Variants in TOGARAM2 observed in about 807,000 individuals in gnomAD.
TOGARAM2 encodes TOG array regulator of axonemal microtubules 2.
In TOGARAM2, 85 loss-of-function variants were observed where a neutral mutation model predicts 93.3. The ratio of observed to expected loss-of-function variants is 0.91; its 90% CI spans 0.76 to 1.09. TOGARAM2 has a LOEUF of 1.09. Ranked by LOEUF, TOGARAM2 falls within the 50% of genes least tolerant of loss-of-function variation. The probability of loss-of-function intolerance (pLI) is 0.00; values close to 1 mark genes in which losing one functional copy is unlikely to be tolerated. For synonymous variants in TOGARAM2, 593 were observed against 552.8 expected (o/e 1.07, Z -1.02); for missense variants, 1,277 against 1,334.5 (o/e 0.96, Z 0.67).
intron 1 of TOGARAM2, among the ~76,000 whole-genome samples, chr2:28,965,355 A>G (rs564951843): frequency 6.6e-6 from 1 of 151,680 alleles, no homozygotes; most frequent in South Asian, 2.1e-4. Flanking sequence ...CCTTCTTCTC[A>G]TGACTTTTGG....
intron 18 of TOGARAM2, 70 bp from the exon 19 acceptor site, chr2:29,045,254 C>T: frequency 1.6e-6 from 2 of 1,261,682 alleles, no homozygotes; most frequent in Non-Finnish European, 2.3e-6. Context: ...GGGTATGTGG[C>T]CCTGCAAACC....
At chr2:29,047,430 C>T (rs1666807974) in intron 19 of TOGARAM2, 1 of 152,200 alleles carries the variant, frequency 6.6e-6, no homozygotes, top group African/African-American at 2.4e-5. Context: ...AAGAGCTTCT[C>T]CATAGGTCTT....
chr2:29,020,022 G>A (rs1314844776), intron 10 of TOGARAM2, among the ~76,000 whole-genome samples: 3 of 152,218 alleles, frequency 2.0e-5, no homozygotes, highest in African/African-American at 4.8e-5. Flanking sequence ...CACTGCGAGA[G>A]CACACCCAAC....
intron 18 of TOGARAM2, among the ~76,000 whole-genome samples, chr2:29,041,567 C>T (rs1666436742): frequency 6.6e-6 from 1 of 152,196 alleles, no homozygotes; most frequent in Admixed American, 6.5e-5. Flanking sequence ...ATCTGGCTTC[C>T]CAGTAGCTGG....
chr2:29,043,641 G>GA (rs1009522847), intron 18 of TOGARAM2, among the ~76,000 whole-genome samples: 2 of 152,262 alleles, frequency 1.3e-5, no homozygotes, highest in Admixed American at 1.3e-4. Flanking sequence ...CCACATCTCT[G>GA]AAAAATGCAT....
rs548081443 is a variant in TOGARAM2 at position 29,042,034 on chromosome 2, T to C, written c.2636-3290T>C. 2.6e-5 allele frequency among the ~76,000 whole-genome samples: 4 copies of C among 152,330 alleles called. No individual in the cohort carries two copies. In the South Asian group the frequency reaches 8.3e-4, roughly 32 times the overall value. On this transcript the variant is annotated intron_variant, in intron 18 of 19. Coordinates refer to ENST00000379558, the MANE Select transcript of TOGARAM2 (RefSeq NM_199280.4). ...TTTTATAGTTGGGTAAACTGAGTCA[T>C]AGAGCAGATAAGTGGCTTGTCCAAT...
intron 1 of TOGARAM2, among the ~76,000 whole-genome samples, chr2:28,991,057 A>G (rs930399209): frequency 3.3e-5 from 5 of 150,548 alleles, no homozygotes; most frequent in African/African-American, 1.2e-4. Flanking sequence ...CCCCAGGGAA[A>G]AAGAAGGAAG....
intron 1 of TOGARAM2, among the ~76,000 whole-genome samples, chr2:28,992,825 C>T (rs746025372): frequency 1.8e-4 from 28 of 152,040 alleles, no homozygotes; most frequent in East Asian, 3.9e-4. Flanking sequence ...TTTGGGAGGC[C>T]GAGGCAGGCA....
chr2:28,995,736 C>T (rs1558410669), intron 2 of TOGARAM2, among the ~76,000 whole-genome samples: 1 of 152,214 alleles, frequency 6.6e-6, no homozygotes, highest in Non-Finnish European at 1.5e-5. Context: ...GAGAAGTTAG[C>T]TTATTTCCTC....
chr2:29,009,907 G>A (rs908616811), intron 6 of TOGARAM2, among the ~76,000 whole-genome samples: 8 of 152,080 alleles, frequency 5.3e-5, no homozygotes, highest in Non-Finnish European at 1.0e-4. Flanking sequence ...GGCCTGTCTT[G>A]GCCTCAGTCC....
At chr2:29,035,724 A>T in intron 17 of TOGARAM2, 68 bp downstream of exon 17, 1 of 1,281,618 alleles carries the variant, frequency 7.8e-7, no homozygotes. Context: ...AAGTTTGAAA[A>T]CTCTGAATGG....
chr2:29,014,434 C>T lies in TOGARAM2; in HGVS notation c.917C>T (p.Ala306Val). ...PLASPIRDRP[A>V]AAKKPALPFS... ...GCCTCACCCATCAGAGACAGGCCTG[C>T]CGCTGCCAAGAAGCCTGCCCTGCCT... is the stretch of plus-strand genomic sequence containing the variant. The change falls in exon 8 of 20, where the codon GCC becomes GTC. Residue 306 changes from alanine to valine, a missense_variant. Transcript: ENST00000379558. 1 of 1,609,784 alleles carries T rather than the reference C, an allele frequency of 6.2e-7. No homozygotes were observed. Among genetic ancestry groups the T allele is most frequent in the Non-Finnish European group, 8.5e-7 (1 of 1,178,302 alleles).
At chr2:29,000,473 G>T (rs1449179957) in intron 4 of TOGARAM2, among the ~76,000 whole-genome samples, 1 of 152,156 alleles carries the variant, frequency 6.6e-6, no homozygotes, top group Non-Finnish European at 1.5e-5. Flanking sequence ...CTTGTACACA[G>T]AATTCTCAAC....
chr2:29,023,447 C>T (rs1286650405), intron 12 of TOGARAM2, among the ~76,000 whole-genome samples: 1 of 152,200 alleles, frequency 6.6e-6, no homozygotes, highest in Non-Finnish European at 1.5e-5. Flanking sequence ...CCTGCATGGT[C>T]CTCTGTACTC....
chr2:28,981,074 CAAGCCAGCT>C (rs1271245719), upstream of TOGARAM2, among the ~76,000 whole-genome samples: 1 of 152,210 alleles, frequency 6.6e-6, no homozygotes, highest in Non-Finnish European at 1.5e-5. Flanking sequence ...ATCCCTGCAC[CAAGCCAGCT>C]ATGCACTTCC....
At chr2:29,027,071 G>T (rs1665432564) in intron 14 of TOGARAM2, 60 bp downstream of exon 14, 1 of 1,454,800 alleles carries the variant, frequency 6.9e-7, no homozygotes, top group East Asian at 2.6e-5. Flanking sequence ...GCCCTGAGGG[G>T]CCTGGGGCAC....
Position 29,020,881 on chromosome 2 carries a change from G to A in TOGARAM2, c.1361-1277G>A, listed in dbSNP as rs2148343044. Among the ~76,000 whole-genome samples the A allele has an allele frequency of 1.3e-5, 2 of 152,272 alleles. 1 individual carries two copies. Among genetic ancestry groups the A allele is most frequent in the South Asian group, 4.2e-4 (2 of 4,818 alleles). On this transcript the variant is annotated intron_variant, in intron 10 of 19. Transcript: ENST00000379558. ...GGCAGTGCTGAAAAAGAGTCCAAGA[G>A]TGAGGGCTTTGTGTCTCCGCTTTTT...
intron 14 of TOGARAM2, among the ~76,000 whole-genome samples, chr2:29,029,613 A>G (rs368167520): frequency 0.16 from 21,980 of 141,348 alleles, 2,445 homozygotes; most frequent in South Asian, 0.22. Context: ...AAAATTAGCC[A>G]GGTGTGGTGG....
At chr2:29,004,042 C>T (rs1356965463) in intron 6 of TOGARAM2, among the ~76,000 whole-genome samples, 1 of 152,238 alleles carries the variant, frequency 6.6e-6, no homozygotes, top group East Asian at 1.9e-4. Context: ...GTCGCCCAGG[C>T]TGGAGTGCAG....
Sources: allele counts gnomAD v4.1 joint callset (sites outside exome capture counted in the v4.1 genomes callset), GRCh38; gene constraint gnomAD v4.1.1; transcripts MANE v1.5; gene names NCBI Gene and HGNC (gene_info 2026-07-23, HGNC 2026-07-21).